Variants in SNAP91 observed in about 807,000 individuals in gnomAD.
SNAP91 encodes the protein clathrin coat assembly protein AP180.
Under a neutral mutation model 100.3 loss-of-function variants are expected in SNAP91, and 27 were observed. The observed-to-expected ratio is 0.27, with a 90% CI of 0.20 to 0.37. SNAP91 has a LOEUF of 0.37. SNAP91 is among the 10% of genes least tolerant of loss of function. The probability of loss-of-function intolerance (pLI) is 1.00; values close to 1 mark genes in which losing one functional copy is unlikely to be tolerated. For synonymous variants in SNAP91, 404 were observed against 398.6 expected (o/e 1.01, Z -0.16); for missense variants, 986 against 1,123.7 (o/e 0.88, Z 1.75).
intron 9 of SNAP91, among the ~76,000 whole-genome samples, chr6:83,618,339 C>A (rs1256569604): frequency 2.0e-5 from 3 of 151,282 alleles, no homozygotes; most frequent in Non-Finnish European, 4.4e-5. Context: ...AGGAACAGCC[C>A]TGTCGGCATT....
intron 13 of SNAP91, among the ~76,000 whole-genome samples, chr6:83,606,644 G>T (rs1337469694): frequency 6.6e-6 from 1 of 152,106 alleles, no homozygotes; most frequent in Non-Finnish European, 1.5e-5. Context: ...AAGCCATCAG[G>T]GTCCCAGGTT....
intron 2 of SNAP91, chr6:83,686,693 T>C (rs1160394090): frequency 6.6e-6 from 1 of 152,246 alleles, no homozygotes; most frequent in Non-Finnish European, 1.5e-5. Context: ...TTATATCCAT[T>C]TGGATTAACA....
intron 22 of SNAP91, among the ~76,000 whole-genome samples, chr6:83,588,119 G>A (rs1383795078): frequency 2.6e-5 from 4 of 152,126 alleles, no homozygotes; most frequent in African/African-American, 7.2e-5. Context: ...GTGGGACACT[G>A]CATCCAACCC....
intron 6 of SNAP91, among the ~76,000 whole-genome samples, chr6:83,657,679 G>A (rs570749287): frequency 6.6e-6 from 1 of 151,934 alleles, no homozygotes; most frequent in East Asian, 1.9e-4. Flanking sequence ...CTTTGTTGTA[G>A]GCAACTACCA....
intron 3 of SNAP91, 49 bp downstream of exon 3, chr6:83,665,390 C>T (rs1364808612): frequency 6.3e-7 from 1 of 1,577,248 alleles, no homozygotes; most frequent in Non-Finnish European, 8.6e-7. Context: ...CATGCTCTTC[C>T]TAAAAGCCTC....
chr6:83,629,744 G>C (rs1235652024), intron 8 of SNAP91, among the ~76,000 whole-genome samples: 4 of 152,016 alleles, frequency 2.6e-5, no homozygotes, highest in African/African-American at 4.8e-5. Context: ...TCAGGTCTAA[G>C]AGCTTTCTGG....
intron 14 of SNAP91, among the ~76,000 whole-genome samples, chr6:83,602,579 A>G (rs2095331999): frequency 6.6e-6 from 1 of 152,186 alleles, no homozygotes; most frequent in Non-Finnish European, 1.5e-5. Context: ...GTTACAATTT[A>G]GCATCACCTT....
chr6:83,662,292 C>T, intron 4 of SNAP91, 55 bp downstream of exon 4: 1 of 681,958 alleles, frequency 1.5e-6, no homozygotes, highest in South Asian at 3.2e-5. Context: ...GATTAATAGC[C>T]TCACTTCAAA....
chr6:83,649,864 C>G (rs2098122481), intron 7 of SNAP91, among the ~76,000 whole-genome samples: 1 of 151,920 alleles, frequency 6.6e-6, no homozygotes, highest in Admixed American at 6.6e-5. Flanking sequence ...GTTGGGATTA[C>G]AGGCGTGAGC....
At chr6:83,578,520 T>C (rs999193354) in intron 24 of SNAP91, among the ~76,000 whole-genome samples, 13 of 152,208 alleles carry the variant, frequency 8.5e-5, no homozygotes, top group Non-Finnish European at 7.3e-5. Flanking sequence ...TTGGAGAATA[T>C]AGGGTGCTTG....
At chr6:83,605,168 T>C (rs1280131280) in intron 14 of SNAP91, among the ~76,000 whole-genome samples, 1 of 151,866 alleles carries the variant, frequency 6.6e-6, no homozygotes, top group Non-Finnish European at 1.5e-5. Flanking sequence ...CAGTTTAAAG[T>C]ATGGATTTTT....
intron 2 of SNAP91, among the ~76,000 whole-genome samples, chr6:83,681,105 G>T (rs2098982998): frequency 6.6e-6 from 1 of 152,126 alleles, no homozygotes; most frequent in African/African-American, 2.4e-5. Flanking sequence ...AAGGGGTTAT[G>T]ATTCAAAAGT....
intron 26 of SNAP91, 92 bp downstream of exon 26, chr6:83,574,918 G>T: frequency 1.3e-6 from 1 of 756,266 alleles, no homozygotes; most frequent in Non-Finnish European, 2.2e-6. Flanking sequence ...TAAGTACACC[G>T]TCGGCAGCAA....
chr6:83,625,450 T>C (rs1562399086), intron 8 of SNAP91, among the ~76,000 whole-genome samples: 1 of 152,174 alleles, frequency 6.6e-6, no homozygotes, highest in South Asian at 2.1e-4. Flanking sequence ...TGTTAGTTCT[T>C]TGAGAAATCT....
intron 7 of SNAP91, among the ~76,000 whole-genome samples, chr6:83,641,422 T>C (rs1585172226): frequency 6.6e-6 from 1 of 152,138 alleles, no homozygotes; most frequent in Non-Finnish European, 1.5e-5. Context: ...AATAAAACAA[T>C]TTAAATAATG....
At chr6:83,618,696 AT>A (rs1446631889) in intron 9 of SNAP91, among the ~76,000 whole-genome samples, 11 of 152,008 alleles carry the variant, frequency 7.2e-5, no homozygotes, top group African/African-American at 2.7e-4. Flanking sequence ...AGTGATGATG[AT>A]AATGATGATG....
In SNAP91 at chr6:83,627,297, G is replaced by A. The variant is rs116059068; in HGVS notation, c.766-3955C>T. The stretch of plus-strand genomic sequence containing the variant: ...TGCATCTATGTTTGTCAGGGATATT[G>A]GCTTGTAGTTTTCTTTTTTTTGTTG... On this transcript the variant is annotated intron_variant, in intron 8 of 29. Transcript: ENST00000369694. Among the ~76,000 whole-genome samples the A allele has an allele frequency of 9.4e-3, 1,431 of 152,070 alleles. 26 individuals are homozygous for A. Among genetic ancestry groups the A allele is most frequent in the African/African-American group, 0.032 (1,335 of 41,492 alleles).
intron 10 of SNAP91, 52 bp from the exon 11 acceptor site, chr6:83,614,914 T>C: frequency 2.7e-6 from 4 of 1,455,934 alleles, no homozygotes; most frequent in Non-Finnish European, 3.7e-6. Flanking sequence ...AGTTAACTAT[T>C]ATAGTTCATT....
chr6:83,571,641 A>G (rs912491428), intron 26 of SNAP91, among the ~76,000 whole-genome samples: 5 of 152,210 alleles, frequency 3.3e-5, no homozygotes, highest in Admixed American at 1.3e-4. Context: ...TCATAGGTGA[A>G]AGAGACTTGC....
Sources: allele counts gnomAD v4.1 joint callset (sites outside exome capture counted in the v4.1 genomes callset), GRCh38; gene constraint gnomAD v4.1.1; transcripts MANE v1.5; gene names NCBI Gene and HGNC (gene_info 2026-07-23, HGNC 2026-07-21).